The following KAZN variants were observed in gnomAD, a reference collection of about 807,000 sequenced individuals.
KAZN encodes the protein kazrin.
In KAZN, 40 loss-of-function variants were observed where a neutral mutation model predicts 87.4. The observed-to-expected ratio is 0.46, with a 90% CI of 0.36 to 0.60. The LOEUF is 0.60. Ranked by LOEUF, KAZN falls within the 20% of genes least tolerant of loss-of-function variation. KAZN has a pLI of 0.00. For missense variants in KAZN, 898 were observed against 1,073.9 expected (o/e 0.84, Z 2.29); for synonymous variants, 466 against 458.3 (o/e 1.02, Z -0.22).
chr1:14,680,730 G>C (rs1297221366), intron 1 of KAZN, among the ~76,000 whole-genome samples: 2 of 152,060 alleles, frequency 1.3e-5, no homozygotes, highest in African/African-American at 4.8e-5. Flanking sequence ...TTCTGTTCCT[G>C]TGTTAGTTTG....
intron 1 of KAZN, among the ~76,000 whole-genome samples, chr1:14,601,299 C>T (rs1239965542): frequency 2.0e-5 from 3 of 152,106 alleles, no homozygotes; most frequent in Admixed American, 6.5e-5. Context: ...GCCGCATAAC[C>T]GTCTAAACTG....
chr1:14,918,278 C>T (rs1658038760), intron 1 of KAZN, among the ~76,000 whole-genome samples: 1 of 152,100 alleles, frequency 6.6e-6, no homozygotes, highest in African/African-American at 2.4e-5. Flanking sequence ...TCTCTTCTTG[C>T]ACACCTTCTC....
At chr1:14,863,059 A>T (rs1316146618) in intron 1 of KAZN, among the ~76,000 whole-genome samples, 1 of 107,636 alleles carries the variant, frequency 9.3e-6, no homozygotes, top group African/African-American at 5.0e-5. Flanking sequence ...TCACAGGATG[A>T]GACGCTTCTG....
chr1:14,784,948 T>C (rs1239244682), intron 1 of KAZN, among the ~76,000 whole-genome samples: 3 of 151,832 alleles, frequency 2.0e-5, no homozygotes, highest in African/African-American at 7.2e-5. Flanking sequence ...ATCTTGATTT[T>C]GATCTCGGCT....
chr1:14,364,257 T>C (rs1280744168), intron 2 of KAZN, among the ~76,000 whole-genome samples: 3 of 152,050 alleles, frequency 2.0e-5, no homozygotes, highest in Non-Finnish European at 4.4e-5. Flanking sequence ...AGTCACTGGG[T>C]TAAAACTCCC....
At chr1:14,326,471 G>A (rs920169796) in intron 2 of KAZN, among the ~76,000 whole-genome samples, 9 of 152,176 alleles carry the variant, frequency 5.9e-5, no homozygotes, top group African/African-American at 2.2e-4. Context: ...CCCCATCCTT[G>A]CCGTTGACTC....
At chr1:14,034,242 C>A (rs1641448804) in intron 1 of KAZN, among the ~76,000 whole-genome samples, 1 of 152,080 alleles carries the variant, frequency 6.6e-6, no homozygotes, top group Non-Finnish European at 1.5e-5. Context: ...ATTATCACAG[C>A]CAATTTAGAT....
Position 13,946,987 on chromosome 1 carries a change from G to A in KAZN, c.91+53231G>A, listed in dbSNP as rs139098289. On this transcript the variant is annotated intron_variant, in intron 1 of 16. Transcript: ENST00000636203. ...CTCTGGAGGCTTGGGGGGAGAATCCGTTCCTTGCCTCTTCCAGCTTCTGGT... is the reference window on the plus strand; with the variant it reads ...CTCTGGAGGCTTGGGGGGAGAATCCATTCCTTGCCTCTTCCAGCTTCTGGT... Among the ~76,000 whole-genome samples the A allele has an allele frequency of 6.7e-3, 1,025 of 152,200 alleles. 16 individuals carry two copies. The highest frequency in any genetic ancestry group is 7.2e-3 in the Non-Finnish European group (488 of 67,990).
At chr1:14,145,464 A>C (rs1005883995) in intron 1 of KAZN, among the ~76,000 whole-genome samples, 2 of 151,746 alleles carry the variant, frequency 1.3e-5, no homozygotes, top group Non-Finnish European at 2.9e-5. Context: ...ACACACACAC[A>C]CACCCACACC....
intron 1 of KAZN, among the ~76,000 whole-genome samples, chr1:14,723,504 T>C (rs958978848): frequency 6.6e-6 from 1 of 152,108 alleles, no homozygotes; most frequent in Non-Finnish European, 1.5e-5. Context: ...GAGGGAGCAG[T>C]ACAAAGATGA....
At chr1:15,036,723 G>A (rs1297598842) in intron 3 of KAZN, among the ~76,000 whole-genome samples, 1 of 152,126 alleles carries the variant, frequency 6.6e-6, no homozygotes, top group East Asian at 1.9e-4. Flanking sequence ...GAGGGGTAGG[G>A]GACACCGCTA....
At chr1:14,556,268 C>A (rs1673866210) in intron 2 of KAZN, among the ~76,000 whole-genome samples, 1 of 152,040 alleles carries the variant, frequency 6.6e-6, no homozygotes, top group Non-Finnish European at 1.5e-5. Flanking sequence ...CACCACCACA[C>A]CCGGCTAATT....
At chr1:14,662,661 G>A (rs1193218544) in intron 1 of KAZN, among the ~76,000 whole-genome samples, 1 of 150,958 alleles carries the variant, frequency 6.6e-6, no homozygotes, top group African/African-American at 2.4e-5. Flanking sequence ...GTGTGTGTGA[G>A]TGTGTGTGTG....
intron 1 of KAZN, among the ~76,000 whole-genome samples, chr1:14,867,705 A>C (rs1651627973): frequency 1.4e-5 from 2 of 147,488 alleles, no homozygotes. Context: ...TCTCTGCTTT[A>C]CTCGGTGTCT....
intron 2 of KAZN, among the ~76,000 whole-genome samples, chr1:15,033,310 T>C (rs1247731281): frequency 2.6e-5 from 4 of 152,254 alleles, no homozygotes; most frequent in African/African-American, 9.6e-5. Flanking sequence ...ATTTTGCTTA[T>C]TAGTCATCCA....
At chr1:14,882,052 C>G (rs552480934) in intron 1 of KAZN, among the ~76,000 whole-genome samples, 1 of 152,124 alleles carries the variant, frequency 6.6e-6, no homozygotes, top group African/African-American at 2.4e-5. Context: ...GTAGCTCTGG[C>G]GTGGGACCTG....
intron 2 of KAZN, among the ~76,000 whole-genome samples, chr1:14,965,395 C>A (rs1664342609): frequency 6.6e-6 from 1 of 152,114 alleles, no homozygotes; most frequent in African/African-American, 2.4e-5. Flanking sequence ...GCCTGGGGGA[C>A]CCCTTTGGGG....
At chr1:14,282,927 G>C (rs1393563646) in intron 2 of KAZN, among the ~76,000 whole-genome samples, 2 of 152,198 alleles carry the variant, frequency 1.3e-5, no homozygotes, top group African/African-American at 4.8e-5. Context: ...GCAAGGAGTG[G>C]AGTGCTGTTT....
intron 1 of KAZN, among the ~76,000 whole-genome samples, chr1:14,771,168 C>T (rs1207006066): frequency 6.6e-6 from 1 of 151,894 alleles, no homozygotes; most frequent in Admixed American, 6.6e-5. Flanking sequence ...AGGAGGGCCC[C>T]GAGGAAGAAA....
Sources: gnomAD v4.1 joint callset for allele counts (sites outside exome capture counted in the v4.1 genomes callset) on GRCh38, gnomAD v4.1.1 for gene constraint, MANE v1.5 for transcripts, NCBI Gene and HGNC (gene_info 2026-07-23, HGNC 2026-07-21) for gene names.